LSAMP: variants seen among roughly 807,000 people sequenced by gnomAD.
LSAMP encodes the protein limbic system-associated membrane protein.
Under a neutral mutation model 38.6 loss-of-function variants are expected in LSAMP, and 7 were observed. That is an observed-to-expected ratio of 0.18 (90% CI 0.10 to 0.34). The LOEUF (loss-of-function observed/expected upper bound fraction) is 0.34. LSAMP is among the 10% of genes least tolerant of loss of function. The pLI, the probability that LSAMP is intolerant of heterozygous loss-of-function variation, is 1.00. For synonymous variants in LSAMP, 154 were observed against 166.8 expected (o/e 0.92, Z 0.59); for missense variants, 313 against 420.0 (o/e 0.75, Z 2.23).
intron 1 of LSAMP, among the ~76,000 whole-genome samples, chr3:116,163,122 C>T (rs914604654): frequency 4.0e-5 from 6 of 151,380 alleles, no homozygotes; most frequent in Admixed American, 2.0e-4. Context: ...ATGTGCACAA[C>T]GTGCAGGTTT....
chr3:116,072,116 C>G (rs970057641), intron 2 of LSAMP, among the ~76,000 whole-genome samples: 14 of 151,782 alleles, frequency 9.2e-5, no homozygotes, highest in African/African-American at 3.4e-4. Flanking sequence ...GCTGGGACTA[C>G]AGGCACCTGC....
At chr3:115,860,847 G>A (rs1042186687) in intron 3 of LSAMP, among the ~76,000 whole-genome samples, 1 of 152,118 alleles carries the variant, frequency 6.6e-6, no homozygotes, top group Non-Finnish European at 1.5e-5. Flanking sequence ...GCAAAAGGGT[G>A]TGGCAATCTA....
chr3:115,934,187 A>T (rs373864806), intron 3 of LSAMP, among the ~76,000 whole-genome samples: 37 of 149,174 alleles, frequency 2.5e-4, no homozygotes, highest in Middle Eastern at 3.5e-3. Flanking sequence ...ATTTTATTTT[A>T]TTTTTTTTTC....
intron 3 of LSAMP, among the ~76,000 whole-genome samples, chr3:115,987,186 G>T (rs867655361): frequency 6.6e-6 from 1 of 152,116 alleles, no homozygotes; most frequent in Admixed American, 6.6e-5. Context: ...TCTTCTTCCT[G>T]ATCACAAACA....
intron 3 of LSAMP, among the ~76,000 whole-genome samples, chr3:115,982,772 G>C (rs545928444): frequency 6.6e-6 from 1 of 152,046 alleles, no homozygotes; most frequent in South Asian, 2.1e-4. Flanking sequence ...GTCTCAGCCA[G>C]GGCTTTTCAA....
At chr3:116,116,244 C>A (rs898398729) in intron 1 of LSAMP, among the ~76,000 whole-genome samples, 2 of 151,256 alleles carry the variant, frequency 1.3e-5, no homozygotes, top group Admixed American at 6.6e-5. Context: ...GGTACAATAT[C>A]TTCTCTTGTC....
chr3:116,282,547 C>T (rs915377881), intron 1 of LSAMP, among the ~76,000 whole-genome samples: 2 of 152,160 alleles, frequency 1.3e-5, no homozygotes, highest in Non-Finnish European at 2.9e-5. Flanking sequence ...GGAAACACAT[C>T]TTCCATGTCC....
At chr3:116,304,019 A>G (rs1389434393) in intron 1 of LSAMP, among the ~76,000 whole-genome samples, 1 of 152,066 alleles carries the variant, frequency 6.6e-6, no homozygotes, top group South Asian at 2.1e-4. Context: ...GTAATAAATG[A>G]TTTTTACGTT....
At chr3:115,994,313 G>T (rs1362258727) in intron 3 of LSAMP, among the ~76,000 whole-genome samples, 1 of 151,978 alleles carries the variant, frequency 6.6e-6, no homozygotes, top group Non-Finnish European at 1.5e-5. Context: ...CTTCTAAAGA[G>T]GAGAAAAGAA....
rs367969866 is a variant in LSAMP at position 116,114,899 on chromosome 3, T to C, written c.156-28343A>G. On this transcript the variant is annotated intron_variant, in intron 1 of 6. Coordinates refer to ENST00000490035, the MANE Select transcript of LSAMP (RefSeq NM_002338.5). ...CCCCTACATTTTACAATGTTTTCCATTTATTTTATGCCACTGGGTTAACAG... is the reference window on the plus strand; with the variant it reads ...CCCCTACATTTTACAATGTTTTCCACTTATTTTATGCCACTGGGTTAACAG... Among the ~76,000 whole-genome samples, 5 of 152,350 alleles carry C rather than the reference T, an allele frequency of 3.3e-5. No individual in the cohort carries two copies. In the East Asian group the frequency reaches 7.7e-4, roughly 24 times the overall value.
intron 2 of LSAMP, among the ~76,000 whole-genome samples, chr3:116,041,816 C>CAAAAAAAAAA (rs1405272484): frequency 6.9e-6 from 1 of 144,642 alleles, no homozygotes; most frequent in African/African-American, 2.6e-5. Context: ...CAAAACAAAA[C>CAAAAAAAAAA]AAAAAAAAAA....
At chr3:116,433,831 C>A (rs1207422914) in intron 1 of LSAMP, among the ~76,000 whole-genome samples, 1 of 152,126 alleles carries the variant, frequency 6.6e-6, no homozygotes, top group Non-Finnish European at 1.5e-5. Context: ...AGGATACTGA[C>A]CTCTTCACAG....
At chr3:115,821,028 C>T (rs1316012815) in intron 6 of LSAMP, among the ~76,000 whole-genome samples, 2 of 152,138 alleles carry the variant, frequency 1.3e-5, no homozygotes, top group Non-Finnish European at 2.9e-5. Flanking sequence ...AATAAAAGCC[C>T]AAGTTTCTTT....
intron 3 of LSAMP, among the ~76,000 whole-genome samples, chr3:115,932,742 T>A (rs1937600541): frequency 6.6e-6 from 1 of 152,318 alleles, no homozygotes; most frequent in South Asian, 2.1e-4. Flanking sequence ...GTAGTCATTT[T>A]AAAAAATGAT....
intron 1 of LSAMP, among the ~76,000 whole-genome samples, chr3:116,323,530 T>C (rs915515219): frequency 6.6e-6 from 1 of 152,140 alleles, no homozygotes; most frequent in South Asian, 2.1e-4. Flanking sequence ...TTTCAACCTC[T>C]CTATCCCTCA....
intron 1 of LSAMP, among the ~76,000 whole-genome samples, chr3:116,379,033 ACG>A (rs1491443590): frequency 7.0e-6 from 1 of 142,076 alleles, no homozygotes; most frequent in Admixed American, 7.2e-5. Flanking sequence ...ACACACACAC[ACG>A]AGTCCTACCA....
chr3:116,150,210 AAACT>A (rs1484727865), intron 1 of LSAMP, among the ~76,000 whole-genome samples: 1 of 152,082 alleles, frequency 6.6e-6, no homozygotes, highest in Non-Finnish European at 1.5e-5. Context: ...ACTTTCATTT[AAACT>A]AACACAAGAA....
At chr3:116,230,413 A>G (rs942600598) in intron 1 of LSAMP, among the ~76,000 whole-genome samples, 14 of 152,312 alleles carry the variant, frequency 9.2e-5, no homozygotes, top group Admixed American at 4.6e-4. Flanking sequence ...TTGACATTAT[A>G]CTTATACCTA....
chr3:116,091,399 C>T (rs889158117), intron 1 of LSAMP, among the ~76,000 whole-genome samples: 11 of 152,028 alleles, frequency 7.2e-5, no homozygotes, highest in South Asian at 2.1e-4. Context: ...ACATCCTTCT[C>T]GGCTGACAGG....
Sources: gnomAD v4.1 joint callset for allele counts (sites outside exome capture counted in the v4.1 genomes callset) on GRCh38, gnomAD v4.1.1 for gene constraint, MANE v1.5 for transcripts, NCBI Gene and HGNC (gene_info 2026-07-23, HGNC 2026-07-21) for gene names.